NNMT: variants seen among roughly 807,000 people sequenced by gnomAD.
The protein encoded by NNMT is nicotinamide N-methyltransferase.
NNMT carries 10 observed loss-of-function variants against 11.7 expected under a neutral mutation model. That is an observed-to-expected ratio of 0.85 (90% confidence interval 0.53 to 1.45). NNMT has a LOEUF of 1.45. Ranked by LOEUF, NNMT falls within the 40% of genes most tolerant of loss-of-function variation. NNMT has a pLI of 0.00. For missense variants in NNMT, 381 were observed against 319.4 expected, an observed-to-expected ratio of 1.19 and a Z score of -1.47; for synonymous variants, 143 against 133.8, an observed-to-expected ratio of 1.07 and a Z score of -0.48.
At chr11:114,292,506 G>A (rs150383031), upstream of NNMT, among the ~76,000 whole-genome samples, 397 of 152,216 alleles carry the variant, frequency 2.6e-3, no homozygotes, top group African/African-American at 8.9e-3. Context: ...TTTCTCATGA[G>A]GTCATAGCCT....
intron 2 of NNMT, among the ~76,000 whole-genome samples, chr11:114,302,954 C>T (rs896698208): frequency 3.3e-5 from 5 of 152,094 alleles, no homozygotes; most frequent in Non-Finnish European, 7.4e-5. Flanking sequence ...CCTCATCAGA[C>T]CCTGACCAGG....
At chr11:114,269,839 G>A (rs1011267205) in intron 2 of NNMT, among the ~76,000 whole-genome samples, 1 of 152,112 alleles carries the variant, frequency 6.6e-6, no homozygotes, top group Non-Finnish European at 1.5e-5. Context: ...TTATTTAAAT[G>A]TACTTGTTAT....
intron 2 of NNMT, among the ~76,000 whole-genome samples, chr11:114,263,191 A>G (rs564657289): frequency 6.6e-6 from 1 of 152,210 alleles, no homozygotes; most frequent in Non-Finnish European, 1.5e-5. Context: ...AGCCTGGGAT[A>G]TTTAAATTAG....
intron 2 of NNMT, among the ~76,000 whole-genome samples, chr11:114,272,204 C>G (rs188115832): frequency 6.6e-6 from 1 of 152,268 alleles, no homozygotes; most frequent in Admixed American, 6.5e-5. Flanking sequence ...CACCTGACAT[C>G]TTTTGGGTGG....
chr11:114,296,451 T>C lies in NNMT; in HGVS notation c.-106T>C. The C allele has an allele frequency of 1.7e-6, 2 of 1,155,780 alleles. No individual in the cohort carries two copies. Among genetic ancestry groups the C allele is most frequent in the South Asian group, 1.5e-5 (1 of 67,798 alleles). 71.6% of individuals were successfully genotyped at this position (1,155,780 alleles called of 1,614,324 possible). The stretch of plus-strand genomic sequence containing the variant: ...AGAAGGGCTGAACTGATGGAAGGAA[T>C]GCTGTTAGCCTGAGACTCAGGAAGA... On this transcript the variant is annotated 5_prime_UTR_variant, in exon 1 of 3. It removes an upstream start codon present in the reference 5' UTR. Coordinates refer to ENST00000299964, the MANE Select transcript of NNMT (RefSeq NM_006169.3).
chr11:114,280,860 C>G (rs771542638), intron 2 of NNMT, among the ~76,000 whole-genome samples: 1 of 152,134 alleles, frequency 6.6e-6, no homozygotes, highest in African/African-American at 2.4e-5. Context: ...TGCTTGTCCC[C>G]GGCCTGCTCA....
chr11:114,310,261 C>T (rs560545829), intron 2 of NNMT, among the ~76,000 whole-genome samples: 128 of 152,294 alleles, frequency 8.4e-4, no homozygotes, highest in African/African-American at 2.9e-3. Context: ...CAAATCCTTG[C>T]CAACACTTGG....
chr11:114,263,144 G>A (rs984418439), intron 2 of NNMT, among the ~76,000 whole-genome samples: 4 of 152,182 alleles, frequency 2.6e-5, no homozygotes, highest in African/African-American at 7.2e-5. Flanking sequence ...GACACCAGCT[G>A]AATGCTTTTC....
At chr11:114,269,828 G>A (rs957707143) in intron 2 of NNMT, among the ~76,000 whole-genome samples, 1 of 152,038 alleles carries the variant, frequency 6.6e-6, no homozygotes, top group Non-Finnish European at 1.5e-5. Context: ...GTCATTGCAT[G>A]TTATTTAAAT....
chr11:114,259,081 C>G (rs1945053461), intron 1 of NNMT, among the ~76,000 whole-genome samples: 1 of 152,216 alleles, frequency 6.6e-6, no homozygotes, highest in Non-Finnish European at 1.5e-5. Context: ...ACCAGACTGT[C>G]AGTTCCTTGA....
At chr11:114,290,254 T>G (rs1166766769) in intron 2 of NNMT, among the ~76,000 whole-genome samples, 1 of 152,250 alleles carries the variant, frequency 6.6e-6, no homozygotes, top group African/African-American at 2.4e-5. Context: ...ATATTTTAAC[T>G]GATGCTTTTG....
At position 114,280,819 on chromosome 11, in the gene NNMT, G is replaced by A. The variant is rs558594308; in HGVS notation, c.-129-15609G>A. On this transcript the variant is annotated intron_variant, in intron 2 of 4. Coordinates refer to the NNMT transcript ENST00000535401. ...AAGTCTTGAGCTTGGGGGCTGCAGGGCCAGTGGGGTGGGAGGGCTCTTCCC... is the reference window on the plus strand; with the variant it reads ...AAGTCTTGAGCTTGGGGGCTGCAGGACCAGTGGGGTGGGAGGGCTCTTCCC... Among the ~76,000 whole-genome samples, 12 of 152,308 alleles carry A rather than the reference G, an allele frequency of 7.9e-5. No homozygotes were observed. The South Asian group carries it at 2.5e-3, about 32-fold the overall frequency.
chr11:114,297,883 G>A (rs1468184132), intron 1 of NNMT, 68 bp from the exon 2 acceptor site: 1 of 1,328,434 alleles, frequency 7.5e-7, no homozygotes, highest in Non-Finnish European at 1.1e-6. Flanking sequence ...GGAAGACAAT[G>A]TAAATTTGAC....
At chr11:114,281,596 C>A (rs1209768634) in intron 2 of NNMT, among the ~76,000 whole-genome samples, 1 of 152,126 alleles carries the variant, frequency 6.6e-6, no homozygotes. Context: ...AGTCAAGACA[C>A]AACATGAGAG....
intron 2 of NNMT, among the ~76,000 whole-genome samples, chr11:114,271,736 C>T (rs917498078): frequency 3.3e-5 from 5 of 152,138 alleles, no homozygotes; most frequent in African/African-American, 4.8e-5. Flanking sequence ...GTGTTGTGTT[C>T]GGGAGCTGAA....
chr11:114,291,335 CT>C (rs1341739776), intron 2 of NNMT, among the ~76,000 whole-genome samples: 1 of 152,102 alleles, frequency 6.6e-6, no homozygotes, highest in Non-Finnish European at 1.5e-5. Context: ...TGCACAATTT[CT>C]TTTAGCCTAT....
At chr11:114,284,764 CT>C (rs11415162) in intron 2 of NNMT, among the ~76,000 whole-genome samples, 5,608 of 89,734 alleles carry the variant, frequency 0.062, 55 homozygotes, top group Non-Finnish European at 0.082. Flanking sequence ...ACCCGGCCAT[CT>C]TTTTTTTTTT....
intron 2 of NNMT, among the ~76,000 whole-genome samples, chr11:114,290,218 G>A (rs1945325660): frequency 6.6e-6 from 1 of 152,038 alleles, no homozygotes; most frequent in Admixed American, 6.6e-5. Flanking sequence ...AAATCAAGTT[G>A]GTTAATCCTG....
intron 1 of NNMT, among the ~76,000 whole-genome samples, chr11:114,261,381 A>C (rs1240193009): frequency 6.6e-6 from 1 of 152,224 alleles, no homozygotes; most frequent in Admixed American, 6.5e-5. Context: ...CGGGAGTTTG[A>C]GACCAGCCTG....
Sources: allele counts gnomAD v4.1 joint callset (sites outside exome capture counted in the v4.1 genomes callset), GRCh38; gene constraint gnomAD v4.1.1; transcripts MANE v1.5; gene names NCBI Gene and HGNC (gene_info 2026-07-23, HGNC 2026-07-21).